STMN2: variants seen among roughly 807,000 people sequenced by gnomAD.
STMN2 encodes the protein stathmin-2.
In STMN2, 2 loss-of-function variants were observed where a neutral mutation model predicts 24.1. That is an observed-to-expected ratio of 0.08 (90% confidence interval 0.03 to 0.26). STMN2 has a LOEUF of 0.26. Ranked by LOEUF, STMN2 falls within the 10% of genes least tolerant of loss-of-function variation. STMN2 has a pLI of 1.00. For synonymous variants in STMN2, 83 were observed against 77.5 expected, an observed-to-expected ratio of 1.07 and a Z score of -0.37; for missense variants, 114 against 213.6, an observed-to-expected ratio of 0.53 and a Z score of 2.91.
Position 79,643,149 on chromosome 8 carries a change from G to GTGTA in STMN2, c.288+1600_288+1601insGTAT, listed in dbSNP as rs764308760. 1.4e-3 allele frequency among the ~76,000 whole-genome samples: 196 copies of GTGTA among 140,102 alleles called. 1 individual carries two copies. Among genetic ancestry groups the GTGTA allele is most frequent in the African/African-American group, 4.0e-3 (151 of 38,046 alleles). 91.9% of individuals were successfully genotyped at this position (140,102 alleles called of 152,430 possible). A position where few individuals can be genotyped will look rare whatever the true frequency, so the allele number is the denominator to read the frequency against. Reference sequence around the variant, plus strand: ...AATATTGGTGTGTGTATGTGTGTGTGTATATATATATATATATATAAAATA... The same window carrying GTGTA: ...AATATTGGTGTGTGTATGTGTGTGTGTGTATATATATATATATATATATAAAATA... On this transcript the variant is annotated intron_variant, in intron 3 of 4. Coordinates refer to ENST00000220876, the MANE Select transcript of STMN2 (RefSeq NM_007029.4).
intron 1 of STMN2, among the ~76,000 whole-genome samples, chr8:79,635,835 A>T (rs1809934258): frequency 6.6e-6 from 1 of 152,148 alleles, no homozygotes; most frequent in Non-Finnish European, 1.5e-5. Context: ...TACACCCCAA[A>T]CATCAGCATC....
chr8:79,611,803 G>A, intron 1 of STMN2: 3 of 859,076 alleles, frequency 3.5e-6, no homozygotes, highest in Non-Finnish European at 4.2e-6. Context: ...TAAGACGGCG[G>A]GGGACAGGGT....
At chr8:79,642,748 A>T (rs748556786) in intron 3 of STMN2, among the ~76,000 whole-genome samples, 2 of 151,886 alleles carry the variant, frequency 1.3e-5, no homozygotes, top group Non-Finnish European at 2.9e-5. Flanking sequence ...AAATCCTTAG[A>T]TTAAATTTTC....
chr8:79,640,421 T>A (rs1452416879), intron 2 of STMN2, among the ~76,000 whole-genome samples: 1 of 149,084 alleles, frequency 6.7e-6, no homozygotes, highest in African/African-American at 2.5e-5. Flanking sequence ...GGTTCACCCA[T>A]GTTGTCAAAA....
At chr8:79,647,949 T>A (rs1211076734) in intron 3 of STMN2, among the ~76,000 whole-genome samples, 1 of 152,216 alleles carries the variant, frequency 6.6e-6, no homozygotes, top group Non-Finnish European at 1.5e-5. Flanking sequence ...AGAGTTAGCA[T>A]AACTATACAT....
Position 79,614,609 on chromosome 8 carries a change from T to C in STMN2, c.19+3395T>C, listed in dbSNP as rs576266846. Among the ~76,000 whole-genome samples, 10 of 152,352 alleles carry C rather than the reference T, an allele frequency of 6.6e-5. No individual in the cohort carries two copies. The South Asian group carries it at 1.9e-3, about 28-fold the overall frequency. On this transcript the variant is annotated intron_variant, in intron 1 of 4. Coordinates refer to ENST00000220876, the MANE Select transcript of STMN2 (RefSeq NM_007029.4). Reference sequence around the variant, plus strand: ...ACCTTGTGGTGTTTGTCTATGCACGTTAAAATTCTCTGAGAGAAAGTATAT... The same window carrying C: ...ACCTTGTGGTGTTTGTCTATGCACGCTAAAATTCTCTGAGAGAAAGTATAT...
chr8:79,641,594 C>T lies in STMN2; in HGVS notation c.288+44C>T, dbSNP rs766104435. 29 of 1,555,134 alleles carry T rather than the reference C, an allele frequency of 1.9e-5. No homozygotes were observed. The African/African-American group carries it at 3.7e-4, about 20-fold the overall frequency. On this transcript the variant is annotated intron_variant, in intron 3 of 4. Transcript: ENST00000220876. ...TTTCCTTCTCTCTCTCCCTCCCCTG[C>T]TCCTCCCTCTCACACACTCGGGCAC...
At chr8:79,648,004 T>C (rs1324890798) in intron 3 of STMN2, among the ~76,000 whole-genome samples, 2 of 152,272 alleles carry the variant, frequency 1.3e-5, no homozygotes, top group Non-Finnish European at 2.9e-5. Flanking sequence ...GTTGTTTTGA[T>C]ACCATTATTA....
rs888823342 is a variant in STMN2 at position 79,665,003 on chromosome 8, C to CA, written c.*137dup. 28 of 617,082 alleles carry CA rather than the reference C, an allele frequency of 4.5e-5. No homozygotes were observed. Among genetic ancestry groups the CA allele is most frequent in the Admixed American group, 1.4e-4 (3 of 21,816 alleles). 38.2% of individuals were successfully genotyped at this position (617,082 alleles called of 1,614,324 possible). ...AGAACTCATTATAAAAAAAAAAAAACAAAAAAAATCAAAAATTAAAAAAAA... is the reference window on the plus strand; with the variant it reads ...AGAACTCATTATAAAAAAAAAAAAACAAAAAAAAATCAAAAATTAAAAAAAA... On this transcript the variant is annotated 3_prime_UTR_variant, in exon 5 of 5. Transcript: ENST00000220876.
At chr8:79,661,594 A>T (rs989673829) in intron 4 of STMN2, among the ~76,000 whole-genome samples, 4 of 152,124 alleles carry the variant, frequency 2.6e-5, no homozygotes, top group African/African-American at 9.6e-5. Context: ...AGCCTTTATT[A>T]ATTGTTTGCT....
At chr8:79,640,938 T>C (rs964030701) in intron 2 of STMN2, among the ~76,000 whole-genome samples, 5 of 152,228 alleles carry the variant, frequency 3.3e-5, no homozygotes, top group African/African-American at 1.2e-4. Context: ...TCTCATTATA[T>C]GTGAGAACTG....
chr8:79,643,066 TG>T lies in STMN2; in HGVS notation c.288+1517del, dbSNP rs751677700. Among the ~76,000 whole-genome samples, 24 of 147,938 alleles carry T rather than the reference TG, an allele frequency of 1.6e-4. 2 individuals are homozygous for T. The highest frequency in any genetic ancestry group is 1.2e-3 in the East Asian group (6 of 5,136). On this transcript the variant is annotated intron_variant, in intron 3 of 4. Transcript: ENST00000220876. ...GTATACCATAATTATATATTAATAT[TG>T]TATATATGCCATAATTATATATTAA...
At chr8:79,613,258 C>T (rs1043184425) in intron 1 of STMN2, among the ~76,000 whole-genome samples, 1 of 152,060 alleles carries the variant, frequency 6.6e-6, no homozygotes, top group Non-Finnish European at 1.5e-5. Context: ...CGCGGCTCGG[C>T]CCCACCCCTC....
chr8:79,662,404 T>C (rs1307046727), intron 4 of STMN2, among the ~76,000 whole-genome samples: 1 of 152,032 alleles, frequency 6.6e-6, no homozygotes, highest in Non-Finnish European at 1.5e-5. Context: ...TTTAGGAACC[T>C]CTAGATTCAA....
chr8:79,645,426 T>C (rs1810197343), intron 3 of STMN2, among the ~76,000 whole-genome samples: 1 of 152,208 alleles, frequency 6.6e-6, no homozygotes, highest in African/African-American at 2.4e-5. Context: ...ATATTCCTAG[T>C]GCCTAGTAGC....
chr8:79,633,243 C>T (rs1809857554), intron 1 of STMN2, among the ~76,000 whole-genome samples: 1 of 152,068 alleles, frequency 6.6e-6, no homozygotes, highest in African/African-American at 2.4e-5. Context: ...TTTTAAGGAT[C>T]TCCTTAGAAT....
At chr8:79,622,798 C>G (rs1411630504) in intron 1 of STMN2, among the ~76,000 whole-genome samples, 3 of 152,108 alleles carry the variant, frequency 2.0e-5, no homozygotes, top group Non-Finnish European at 4.4e-5. Context: ...ATACAAAAAT[C>G]TACACTGAGG....
intron 3 of STMN2, among the ~76,000 whole-genome samples, chr8:79,644,981 C>T (rs1810188327): frequency 6.6e-6 from 1 of 151,984 alleles, no homozygotes; most frequent in African/African-American, 2.4e-5. Context: ...ATGGCAAAAC[C>T]CCATCTCTAC....
chr8:79,657,074 G>C (rs1326932003), intron 4 of STMN2, among the ~76,000 whole-genome samples: 1 of 152,020 alleles, frequency 6.6e-6, no homozygotes, highest in Admixed American at 6.6e-5. Flanking sequence ...GGGTTTTGCC[G>C]TGTTGGCCAA....
Sources: gnomAD v4.1 joint callset for allele counts (sites outside exome capture counted in the v4.1 genomes callset) on GRCh38, gnomAD v4.1.1 for gene constraint, MANE v1.5 for transcripts, NCBI Gene and HGNC (gene_info 2026-07-23, HGNC 2026-07-21) for gene names.